Variants in EYS observed in about 807,000 individuals in gnomAD.
EYS encodes the protein EGF-like photoreceptor maintenance factor.
In EYS, 250 loss-of-function variants were observed where a neutral mutation model predicts 282.1. That is an observed-to-expected ratio of 0.89 (90% CI 0.80 to 0.98). The LOEUF (loss-of-function observed/expected upper bound fraction) is 0.98, where lower values mean the gene tolerates loss of function less well. Ranked by LOEUF, EYS falls within the 50% of genes least tolerant of loss-of-function variation. EYS has a pLI of 0.00. For synonymous variants in EYS, 1,355 were observed against 1,282.9 expected, an observed-to-expected ratio of 1.06 and a Z score of -1.20; for missense variants, 4,016 against 3,709.0, an observed-to-expected ratio of 1.08 and a Z score of -2.15.
intron 7 of EYS, among the ~76,000 whole-genome samples, chr6:65,389,608 T>A (rs879270142): frequency 6.6e-5 from 10 of 152,120 alleles, no homozygotes; most frequent in Non-Finnish European, 1.3e-4. Flanking sequence ...AGTGTTCATA[T>A]CCATGATATG....
At chr6:63,761,595 C>A (rs1769643763) in intron 41 of EYS, among the ~76,000 whole-genome samples, 1 of 151,838 alleles carries the variant, frequency 6.6e-6, no homozygotes, top group Non-Finnish European at 1.5e-5. Context: ...ATAAAACATC[C>A]AAATAATGCA....
intron 26 of EYS, among the ~76,000 whole-genome samples, chr6:64,561,933 A>G (rs1765407065): frequency 6.6e-6 from 1 of 151,412 alleles, no homozygotes; most frequent in Admixed American, 6.6e-5. Flanking sequence ...AAAAAAAAAA[A>G]AAAAAGAGCT....
intron 33 of EYS, among the ~76,000 whole-genome samples, chr6:64,044,297 G>A (rs1028493516): frequency 2.6e-5 from 4 of 152,160 alleles, no homozygotes; most frequent in African/African-American, 9.7e-5. Context: ...TTGATCACTG[G>A]TTAAATTGTG....
intron 26 of EYS, among the ~76,000 whole-genome samples, chr6:64,558,701 C>T (rs1045063806): frequency 6.6e-6 from 1 of 152,118 alleles, no homozygotes; most frequent in Non-Finnish European, 1.5e-5. Context: ...ATGTAATAAA[C>T]AGTATACACT....
chr6:64,385,256 C>T (rs1772871344), intron 29 of EYS, among the ~76,000 whole-genome samples: 2 of 152,118 alleles, frequency 1.3e-5, no homozygotes, highest in Admixed American at 1.3e-4. Flanking sequence ...ATACATTTTA[C>T]AGTTTGTATC....
At position 63,825,003 on chromosome 6, in the gene EYS, G is replaced by A. The variant is rs569686136; in HGVS notation, c.7229-18631C>T. On this transcript the variant is annotated intron_variant, in intron 36 of 42. Transcript: ENST00000503581. The stretch of plus-strand genomic sequence containing the variant: ...TTTTGCAGCTGGGAGGCAGAAATCT[G>A]GCAAGTTTTCAAGCCCCTCTCACCC... Among the ~76,000 whole-genome samples, 11 of 152,242 alleles carry A rather than the reference G, an allele frequency of 7.2e-5. No homozygotes were observed. In the East Asian group the frequency reaches 1.9e-3, roughly 27 times the overall value.
chr6:65,128,731 T>C (rs764433636), intron 12 of EYS, among the ~76,000 whole-genome samples: 1 of 151,994 alleles, frequency 6.6e-6, no homozygotes, highest in African/African-American at 2.4e-5. Flanking sequence ...CTAAGATGGC[T>C]GAACTGCCCA....
At chr6:64,230,952 G>T in intron 30 of EYS, 128 bp from the exon 31 acceptor site, 1 of 512,972 alleles carries the variant, frequency 1.9e-6, no homozygotes, top group Non-Finnish European at 3.5e-6. Flanking sequence ...TTTAACTGAG[G>T]ACAAATAAAA....
intron 26 of EYS, among the ~76,000 whole-genome samples, chr6:64,573,528 A>G (rs572177473): frequency 3.3e-5 from 5 of 152,376 alleles, no homozygotes; most frequent in African/African-American, 1.2e-4. Flanking sequence ...CATTCAATCC[A>G]TCTGACAAAA....
At chr6:65,699,603 C>T (rs1432483812) in intron 1 of EYS, among the ~76,000 whole-genome samples, 1 of 152,094 alleles carries the variant, frequency 6.6e-6, no homozygotes, top group Non-Finnish European at 1.5e-5. Flanking sequence ...TCTATTCATC[C>T]TAAGGCAAGG....
At chr6:64,952,341 G>A (rs906897481) in intron 14 of EYS, among the ~76,000 whole-genome samples, 13 of 151,936 alleles carry the variant, frequency 8.6e-5, no homozygotes, top group African/African-American at 3.1e-4. Context: ...TAAGAATTAT[G>A]ACTTATATAA....
chr6:65,119,837 G>C (rs1195035764), intron 12 of EYS, among the ~76,000 whole-genome samples: 2 of 151,686 alleles, frequency 1.3e-5, no homozygotes, highest in Non-Finnish European at 1.5e-5. Context: ...ATTCCAGCCT[G>C]GGTGACAGAA....
chr6:65,632,501 G>GA (rs1209536641), intron 2 of EYS, among the ~76,000 whole-genome samples: 3 of 152,060 alleles, frequency 2.0e-5, no homozygotes, highest in Non-Finnish European at 2.9e-5. Flanking sequence ...ATAGTATAAA[G>GA]AGCTCCCTTG....
chr6:63,913,422 A>G (rs1157914507), intron 35 of EYS, among the ~76,000 whole-genome samples: 1 of 152,206 alleles, frequency 6.6e-6, no homozygotes, highest in African/African-American at 2.4e-5. Flanking sequence ...AGTTGTGCAA[A>G]TACCATCATC....
chr6:65,212,215 G>T (rs1766193110), intron 12 of EYS, among the ~76,000 whole-genome samples: 1 of 151,888 alleles, frequency 6.6e-6, no homozygotes, highest in Non-Finnish European at 1.5e-5. Flanking sequence ...GACAATTTGA[G>T]TACTATACAA....
chr6:64,187,532 T>TA (rs925350496), intron 31 of EYS, among the ~76,000 whole-genome samples: 8 of 151,962 alleles, frequency 5.3e-5, no homozygotes, highest in South Asian at 2.1e-4. Context: ...ATTAAATAAA[T>TA]AAAAAAAATT....
chr6:65,497,630 T>C (rs1766302115), intron 2 of EYS, among the ~76,000 whole-genome samples: 1 of 151,922 alleles, frequency 6.6e-6, no homozygotes, highest in African/African-American at 2.4e-5. Flanking sequence ...TCGAGAGCAA[T>C]GAAGAGCCTC....
At chr6:64,358,385 C>T (rs1189997649) in intron 29 of EYS, among the ~76,000 whole-genome samples, 1 of 151,632 alleles carries the variant, frequency 6.6e-6, no homozygotes, top group Non-Finnish European at 1.5e-5. Flanking sequence ...AAAAAGAGAG[C>T]AACTGCAATA....
chr6:64,573,962 A>C (rs191333023), intron 26 of EYS, among the ~76,000 whole-genome samples: 6 of 152,080 alleles, frequency 3.9e-5, no homozygotes, highest in Admixed American at 3.9e-4. Context: ...TTCTACTATA[A>C]AGACACATAC....
Sources: allele counts gnomAD v4.1 joint callset (sites outside exome capture counted in the v4.1 genomes callset), GRCh38; gene constraint gnomAD v4.1.1; transcripts MANE v1.5; gene names NCBI Gene and HGNC (gene_info 2026-07-23, HGNC 2026-07-21).